The following PDE4D variants were observed in gnomAD, a reference collection of about 807,000 sequenced individuals.
PDE4D encodes the protein phosphodiesterase 4D.
PDE4D carries 24 observed loss-of-function variants against 87.4 expected under a neutral mutation model. That is an observed-to-expected ratio of 0.27 (90% CI 0.20 to 0.39). The LOEUF (loss-of-function observed/expected upper bound fraction) is 0.39, where lower values mean the gene tolerates loss of function less well. PDE4D is among the 10% of genes least tolerant of loss of function. The probability of loss-of-function intolerance (pLI) is 1.00; values close to 1 mark genes in which losing one functional copy is unlikely to be tolerated. For missense variants in PDE4D, 714 were observed against 1,041.0 expected, an observed-to-expected ratio of 0.69 and a Z score of 4.32; for synonymous variants, 384 against 383.2, an observed-to-expected ratio of 1.00 and a Z score of -0.02.
intron 1 of PDE4D, among the ~76,000 whole-genome samples, chr5:59,885,579 A>G (rs1750025553): frequency 6.6e-6 from 1 of 152,222 alleles, no homozygotes; most frequent in African/African-American, 2.4e-5. Flanking sequence ...TTGGATAAAC[A>G]TTCTCTAAGA....
At chr5:60,458,773 T>C (rs139453457) in intron 1 of PDE4D, among the ~76,000 whole-genome samples, 1 of 152,232 alleles carries the variant, frequency 6.6e-6, no homozygotes, top group Non-Finnish European at 1.5e-5. Flanking sequence ...TCATGGATAC[T>C]TATGCTGCAA....
chr5:59,825,962 T>A (rs1770275075), intron 1 of PDE4D, among the ~76,000 whole-genome samples: 1 of 152,144 alleles, frequency 6.6e-6, no homozygotes, highest in African/African-American at 2.4e-5. Context: ...GAGAACAAGA[T>A]CCCCTGTGCT....
chr5:59,124,966 A>G lies in PDE4D; in HGVS notation c.808+55629T>C, dbSNP rs150449204. On this transcript the variant is annotated intron_variant, in intron 5 of 14. Transcript: ENST00000340635. ...TTAAGATCTCTTGCTTTCTGGGTAC[A>G]TTTCTTTTCTTTTCTTTTCTTTTTT... Among the ~76,000 whole-genome samples, 894 of 151,042 alleles carry G rather than the reference A, an allele frequency of 5.9e-3. 14 individuals are homozygous for G. Among genetic ancestry groups the G allele is most frequent in the African/African-American group, 0.021 (857 of 41,138 alleles).
intron 1 of PDE4D, among the ~76,000 whole-genome samples, chr5:59,341,866 T>C (rs1335363239): frequency 6.6e-6 from 1 of 152,202 alleles, no homozygotes. Context: ...CCTATTCTTG[T>C]GAATAACGCT....
At chr5:59,681,160 T>A (rs1314054707) in intron 1 of PDE4D, among the ~76,000 whole-genome samples, 2 of 152,026 alleles carry the variant, frequency 1.3e-5, no homozygotes, top group Non-Finnish European at 2.9e-5. Context: ...GAGTCTCATA[T>A]CTAAAACCAA....
intron 1 of PDE4D, among the ~76,000 whole-genome samples, chr5:60,210,769 T>TC (rs1474793950): frequency 1.3e-5 from 2 of 151,678 alleles, no homozygotes; most frequent in Non-Finnish European, 2.9e-5. Flanking sequence ...TTTTTTTTTT[T>TC]CAGAAATATT....
intron 1 of PDE4D, among the ~76,000 whole-genome samples, chr5:59,572,775 C>T (rs998032331): frequency 1.1e-4 from 16 of 152,158 alleles, no homozygotes; most frequent in African/African-American, 3.9e-4. Flanking sequence ...CCACCACGCC[C>T]GGCCGCTTTC....
chr5:59,822,786 A>G (rs896728160), intron 1 of PDE4D, among the ~76,000 whole-genome samples: 5 of 152,276 alleles, frequency 3.3e-5, no homozygotes, highest in East Asian at 3.9e-4. Flanking sequence ...CTCATTGTCA[A>G]TTGACTGCTT....
At chr5:59,452,807 T>A (rs1799366624) in intron 1 of PDE4D, among the ~76,000 whole-genome samples, 1 of 152,214 alleles carries the variant, frequency 6.6e-6, no homozygotes, top group Non-Finnish European at 1.5e-5. Context: ...ATGTCTTTAC[T>A]CCTAAAGATT....
At chr5:59,906,139 A>G (rs570241818) in intron 3 of PDE4D, among the ~76,000 whole-genome samples, 2 of 152,230 alleles carry the variant, frequency 1.3e-5, no homozygotes, top group East Asian at 3.9e-4. Flanking sequence ...TGTTATTCCT[A>G]ATTTACAGAT....
rs139450903 is a variant in PDE4D, at chr5:60,272,468, C to T, written c.-89-86781G>A. Reference sequence around the variant, plus strand: ...TCAAAGTTAGTTCTTACAGCTCCCTCGAAGAAGAGATCACACAGGTCTGCA... The same window carrying T: ...TCAAAGTTAGTTCTTACAGCTCCCTTGAAGAAGAGATCACACAGGTCTGCA... On this transcript the variant is annotated intron_variant, in intron 1 of 16. Transcript: ENST00000502484. Among the ~76,000 whole-genome samples the T allele has an allele frequency of 5.8e-4, 88 of 152,280 alleles. No homozygotes were observed. In the East Asian group the frequency reaches 0.015, roughly 25 times the overall value.
chr5:60,173,617 A>G (rs1000115574), intron 2 of PDE4D, among the ~76,000 whole-genome samples: 3 of 152,064 alleles, frequency 2.0e-5, no homozygotes, highest in Non-Finnish European at 4.4e-5. Context: ...TTTAAAGGCT[A>G]TCTTAAACTG....
intron 1 of PDE4D, among the ~76,000 whole-genome samples, chr5:59,250,324 A>C (rs575274723): frequency 1.9e-4 from 28 of 143,614 alleles, no homozygotes; most frequent in African/African-American, 5.7e-4. Context: ...AAAAAAAAAA[A>C]CAAAAAAAAT....
intron 1 of PDE4D, among the ~76,000 whole-genome samples, chr5:59,628,352 T>C (rs1579976206): frequency 6.6e-6 from 1 of 152,234 alleles, no homozygotes; most frequent in East Asian, 1.9e-4. Context: ...TCTATGCTTC[T>C]ATGTCTAGAA....
chr5:59,158,179 C>T (rs183467926), intron 5 of PDE4D, among the ~76,000 whole-genome samples: 32 of 152,278 alleles, frequency 2.1e-4, no homozygotes, highest in Admixed American at 1.1e-3. Flanking sequence ...TGAATGAAGA[C>T]GATTGCCTTC....
At chr5:59,465,823 T>A (rs1165149361) in intron 1 of PDE4D, among the ~76,000 whole-genome samples, 1 of 152,238 alleles carries the variant, frequency 6.6e-6, no homozygotes, top group African/African-American at 2.4e-5. Context: ...CTGCTTTGCT[T>A]ATTTAAATTT....
chr5:59,208,392 T>G (rs889992520), intron 2 of PDE4D, among the ~76,000 whole-genome samples: 2 of 152,166 alleles, frequency 1.3e-5, no homozygotes, highest in Non-Finnish European at 2.9e-5. Context: ...TCCCTCTATC[T>G]CTCCTAAGAC....
chr5:59,611,131 A>G (rs1196624942), intron 1 of PDE4D, among the ~76,000 whole-genome samples: 1 of 152,184 alleles, frequency 6.6e-6, no homozygotes, highest in South Asian at 2.1e-4. Context: ...GAAATAGCAG[A>G]AATTTATTGC....
intron 1 of PDE4D, among the ~76,000 whole-genome samples, chr5:59,554,643 C>G (rs991724840): frequency 6.6e-6 from 1 of 152,132 alleles, no homozygotes; most frequent in African/African-American, 2.4e-5. Context: ...GTCATCTATG[C>G]TGAATCTCCA....
Sources: allele counts gnomAD v4.1 joint callset (sites outside exome capture counted in the v4.1 genomes callset), GRCh38; gene constraint gnomAD v4.1.1; transcripts MANE v1.5; gene names NCBI Gene and HGNC (gene_info 2026-07-23, HGNC 2026-07-21).